The following PLEKHA7 variants were observed in gnomAD, a reference collection of about 807,000 sequenced individuals.
PLEKHA7 encodes pleckstrin homology domain-containing family A member 7.
Under a neutral mutation model 170.0 loss-of-function variants are expected in PLEKHA7, and 104 were observed. The observed-to-expected ratio is 0.61, with a 90% CI of 0.52 to 0.72. The LOEUF is 0.72. PLEKHA7 is among the 30% of genes least tolerant of loss of function. The pLI is 0.00. For missense variants in PLEKHA7, 1,615 were observed against 1,671.7 expected, an observed-to-expected ratio of 0.97 and a Z score of 0.59; for synonymous variants, 648 against 660.8, an observed-to-expected ratio of 0.98 and a Z score of 0.30.
chr11:16,944,218 G>A (rs949452657), intron 3 of PLEKHA7, among the ~76,000 whole-genome samples: 3 of 152,132 alleles, frequency 2.0e-5, no homozygotes, highest in African/African-American at 7.2e-5. Flanking sequence ...GCCAGGTGTG[G>A]TGGCGGGCGC....
chr11:16,938,407 T>C (rs1860457264), intron 3 of PLEKHA7, among the ~76,000 whole-genome samples: 1 of 152,350 alleles, frequency 6.6e-6, no homozygotes, highest in Admixed American at 6.5e-5. Context: ...GCTTTCCTTG[T>C]GCTCATTTTT....
chr11:16,871,085 A>G lies in PLEKHA7; in HGVS notation c.305+14T>C, dbSNP rs1355751491. On this transcript the variant is annotated intron_variant, in intron 4 of 26. Coordinates refer to ENST00000531066, the MANE Select transcript of PLEKHA7 (RefSeq NM_001329630.2). ...TACTCTGCCCAGATAAGGAGAATAC[A>G]TAAAAAGACTTACTCTTCTTGAAGA... 1 of 1,565,712 alleles carries G rather than the reference A, an allele frequency of 6.4e-7. No homozygotes were observed.
chr11:16,890,873 A>C (rs1188468705), intron 3 of PLEKHA7, among the ~76,000 whole-genome samples: 1 of 152,094 alleles, frequency 6.6e-6, no homozygotes, highest in South Asian at 2.1e-4. Context: ...GTATTGCTTA[A>C]AAATATGTAA....
intron 13 of PLEKHA7, among the ~76,000 whole-genome samples, chr11:16,803,767 T>G (rs1255258220): frequency 6.6e-6 from 1 of 152,076 alleles, no homozygotes; most frequent in Non-Finnish European, 1.5e-5. Context: ...AAGCCTTAGT[T>G]TAATGAAGTC....
chr11:16,955,461 T>C (rs1174681386), intron 3 of PLEKHA7, among the ~76,000 whole-genome samples: 1 of 152,210 alleles, frequency 6.6e-6, no homozygotes, highest in Non-Finnish European at 1.5e-5. Context: ...TAAAGGACCA[T>C]GACCTACTCA....
chr11:16,967,548 C>A (rs1306558348), intron 3 of PLEKHA7, among the ~76,000 whole-genome samples: 1 of 152,190 alleles, frequency 6.6e-6, no homozygotes, highest in Non-Finnish European at 1.5e-5. Context: ...ATTCTTGGGG[C>A]CCACCCCTCA....
At chr11:16,842,969 AC>A (rs60584000) in intron 8 of PLEKHA7, among the ~76,000 whole-genome samples, 2,776 of 152,296 alleles carry the variant, frequency 0.018, 93 homozygotes, top group African/African-American at 0.064. Flanking sequence ...CACAGCACTT[AC>A]CATTACCTGA....
Position 16,844,158 on chromosome 11 carries a change from C to T in PLEKHA7, c.697-2436G>A, listed in dbSNP as rs116816364. On this transcript the variant is annotated intron_variant, in intron 8 of 26. Coordinates refer to ENST00000531066, the MANE Select transcript of PLEKHA7 (RefSeq NM_001329630.2). ...GCCCTCCAAGGTACAATAAAGACAA[C>T]AGATCCCTGCTGTACAAAAAATTCA... Among the ~76,000 whole-genome samples, 1,387 of 152,202 alleles carry T rather than the reference C, an allele frequency of 9.1e-3. 17 individuals are homozygous for T. Among genetic ancestry groups the T allele is most frequent in the African/African-American group, 0.031 (1,305 of 41,516 alleles).
intron 3 of PLEKHA7, among the ~76,000 whole-genome samples, chr11:16,913,465 A>T (rs567747328): frequency 6.6e-6 from 1 of 152,218 alleles, no homozygotes; most frequent in African/African-American, 2.4e-5. Context: ...GAGACCCTCA[A>T]ATTTCCTCCA....
At chr11:16,891,497 T>C (rs1418470519) in intron 3 of PLEKHA7, among the ~76,000 whole-genome samples, 1 of 152,202 alleles carries the variant, frequency 6.6e-6, no homozygotes, top group Admixed American at 6.5e-5. Flanking sequence ...ATTTCTGTTG[T>C]TTTATACTAC....
chr11:16,910,520 T>C (rs945405964), intron 3 of PLEKHA7, among the ~76,000 whole-genome samples: 10 of 152,202 alleles, frequency 6.6e-5, no homozygotes, highest in African/African-American at 2.4e-4. Flanking sequence ...TAAAAATAAA[T>C]GTCATGGGAT....
chr11:16,970,927 A>G (rs1362604542), intron 3 of PLEKHA7, among the ~76,000 whole-genome samples: 1 of 152,232 alleles, frequency 6.6e-6, no homozygotes, highest in Non-Finnish European at 1.5e-5. Flanking sequence ...TCCTAATTAT[A>G]CAATAAATAG....
chr11:16,828,657 C>T (rs1850856447), intron 9 of PLEKHA7, among the ~76,000 whole-genome samples: 1 of 152,216 alleles, frequency 6.6e-6, no homozygotes, highest in African/African-American at 2.4e-5. Context: ...CCAACCCCCA[C>T]ACTGTATCCA....
At chr11:16,930,565 A>G (rs1479840100) in intron 3 of PLEKHA7, among the ~76,000 whole-genome samples, 1 of 152,252 alleles carries the variant, frequency 6.6e-6, no homozygotes, top group Admixed American at 6.5e-5. Context: ...ATCCCTTACC[A>G]GTCATTGCAA....
chr11:16,981,535 C>G lies in PLEKHA7; in HGVS notation c.221+32454G>C, dbSNP rs577062024. On this transcript the variant is annotated intron_variant, in intron 3 of 26. Transcript: ENST00000531066. ...ATCTCCCAGCCCCTCCAGCCCCCTA[C>G]CCTCTCCCTTTCTCTCACTATTTCC... Among the ~76,000 whole-genome samples, 64 of 152,266 alleles carry G rather than the reference C, an allele frequency of 4.2e-4. 1 individual carries two copies. In the South Asian group the frequency reaches 0.011, roughly 26 times the overall value.
chr11:16,907,113 T>G (rs1857813694), intron 3 of PLEKHA7, among the ~76,000 whole-genome samples: 2 of 123,442 alleles, frequency 1.6e-5, no homozygotes, highest in African/African-American at 3.6e-5. Context: ...GGGAGGGAGG[T>G]GGGGGTCAGC....
intron 17 of PLEKHA7, among the ~76,000 whole-genome samples, chr11:16,799,576 A>T (rs1014198329): frequency 6.6e-6 from 1 of 152,242 alleles, no homozygotes; most frequent in African/African-American, 2.4e-5. Context: ...GCAAAAAAAA[A>T]TTACTGCTAA....
intron 9 of PLEKHA7, among the ~76,000 whole-genome samples, chr11:16,830,295 T>C (rs575769481): frequency 2.0e-5 from 3 of 152,280 alleles, no homozygotes; most frequent in East Asian, 1.9e-4. Context: ...ATTTTCTTTA[T>C]TATTTCTCAC....
At position 17,014,375 on chromosome 11, in the gene PLEKHA7, G is replaced by A. The variant is rs757374274; in HGVS notation, c.27C>T (p.Asp9=). The change falls in exon 1 of 27, where the codon GAC becomes GAT. Residue 9 remains aspartate (D), a synonymous_variant. Transcript: ENST00000531066. Reference sequence around the variant, plus strand: ...CGTAGGACCAATGCTCAGGTAAAGTGTCCCGCCCGACCGTCGCCGCCGCCA... The same window carrying A: ...CGTAGGACCAATGCTCAGGTAAAGTATCCCGCCCGACCGTCGCCGCCGCCA... The part of the protein sequence containing the change: MAAATVGR[D]TLPEHWSYGV... 1 of 1,398,220 alleles carries A rather than the reference G, an allele frequency of 7.2e-7. No homozygotes were observed. Among genetic ancestry groups the A allele is most frequent in the Non-Finnish European group, 9.4e-7 (1 of 1,066,962 alleles). The allele number at this position is 1,398,220 out of a possible 1,614,324, so 86.6% of individuals were successfully genotyped here.
Sources: allele counts gnomAD v4.1 joint callset (sites outside exome capture counted in the v4.1 genomes callset), GRCh38; gene constraint gnomAD v4.1.1; transcripts MANE v1.5; gene names NCBI Gene and HGNC (gene_info 2026-07-23, HGNC 2026-07-21).